Variants in FAIM observed in about 807,000 individuals in gnomAD.
FAIM encodes the protein Fas apoptotic inhibitory molecule.
A neutral mutation model predicts 21.2 loss-of-function variants in FAIM; 14 were observed. The observed-to-expected ratio is 0.66, with a 90% CI of 0.44 to 1.03. The LOEUF is 1.03. Among genes scored for constraint, FAIM ranks in the 50% least tolerant of loss-of-function variants. FAIM has a pLI of 0.00. For missense variants in FAIM, 222 were observed against 247.1 expected (o/e 0.90, Z 0.68); for synonymous variants, 86 against 80.4 (o/e 1.07, Z -0.37).
chr3:138,619,210 C>T (rs2042859016), intron 1 of FAIM, among the ~76,000 whole-genome samples: 1 of 152,196 alleles, frequency 6.6e-6, no homozygotes, highest in African/African-American at 2.4e-5. Flanking sequence ...AGTTATGTTC[C>T]ACCATAGTGT....
At chr3:138,628,047 C>T (rs986384299) in intron 4 of FAIM, among the ~76,000 whole-genome samples, 1 of 152,128 alleles carries the variant, frequency 6.6e-6, no homozygotes, top group African/African-American at 2.4e-5. Context: ...CCTGCTACTC[C>T]TGAGGACACT....
intron 5 of FAIM, chr3:138,629,672 G>A (rs1194123455): frequency 2.0e-5 from 3 of 152,346 alleles, no homozygotes; most frequent in Middle Eastern, 3.4e-3. Context: ...TTTTCTGAAA[G>A]CGAGATTTTT....
intron 5 of FAIM, 62 bp from the exon 6 acceptor site, chr3:138,632,868 A>T: frequency 6.6e-7 from 1 of 1,510,308 alleles, no homozygotes; most frequent in Non-Finnish European, 8.9e-7. Context: ...AGATGGTGTG[A>T]ATGCTCTAGA....
At chr3:138,617,401 A>G (rs2042836033) in intron 1 of FAIM, among the ~76,000 whole-genome samples, 1 of 146,156 alleles carries the variant, frequency 6.8e-6, no homozygotes, top group Non-Finnish European at 1.5e-5. Flanking sequence ...TGTATATATT[A>G]TATATAATAT....
intron 1 of FAIM, among the ~76,000 whole-genome samples, chr3:138,609,614 ACTCTCTCT>A (rs1211208979): frequency 5.5e-4 from 14 of 25,424 alleles, no homozygotes; most frequent in Admixed American, 1.0e-3. Flanking sequence ...CTCTCTCTCG[ACTCTCTCT>A]CTCTCTCTCT....
At chr3:138,619,655 A>G (rs987153727) in intron 1 of FAIM, 56 bp from the exon 2 acceptor site, 31 of 1,524,876 alleles carry the variant, frequency 2.0e-5, no homozygotes, top group African/African-American at 1.4e-4. Flanking sequence ...GTTGCTTTCA[A>G]TCTTTCTTTG....
intron 4 of FAIM, among the ~76,000 whole-genome samples, chr3:138,627,304 C>T (rs906976240): frequency 6.6e-6 from 1 of 151,840 alleles, no homozygotes; most frequent in Non-Finnish European, 1.5e-5. Context: ...GCCTCAGCCT[C>T]CTGAGTAGCT....
Position 138,627,182 on chromosome 3 carries a change from C to CTT in FAIM, c.407-1912_407-1911dup, listed in dbSNP as rs1188996564. Among the ~76,000 whole-genome samples, 465 of 141,750 alleles carry CTT rather than the reference C, an allele frequency of 3.3e-3. 2 individuals carry two copies. The highest frequency in any genetic ancestry group is 0.011 in the African/African-American group (443 of 39,018). 93.0% of individuals were successfully genotyped at this position (141,750 alleles called of 152,430 possible). On this transcript the variant is annotated intron_variant, in intron 4 of 5. Transcript: ENST00000360570. ...CTTCAATTGTGCTGTGGCTTTTTTA[C>CTT]TTTTTTTTTTTTTTCCCAAGACAGG...
chr3:138,622,265 G>T lies in FAIM; in HGVS notation c.255G>T (p.Ala85=). 6.2e-7 allele frequency: 1 copy of T among 1,613,662 alleles called. No homozygotes were observed. Among genetic ancestry groups the T allele is most frequent in the South Asian group, 1.1e-5 (1 of 90,916 alleles). The stretch of plus-strand genomic sequence containing the variant: ...ATGTTGGAGCTGCAAAGACAAAAGC[G>T]ACCATAAATATAGACGCTATCAGTG... ...TFYVGAAKTK[A]TINIDAISGF... The change falls in exon 4 of 6, where the codon GCG becomes GCT. Residue 85 remains alanine, a synonymous_variant. Transcript: ENST00000360570.
intron 1 of FAIM, among the ~76,000 whole-genome samples, chr3:138,609,597 T>TCC (rs1560491087): frequency 4.4e-5 from 3 of 67,722 alleles, no homozygotes; most frequent in East Asian, 6.7e-4. Context: ...CTCTCGACTC[T>TCC]CTCTCTCTCT....
At chr3:138,616,485 A>C (rs1351078543) in intron 1 of FAIM, among the ~76,000 whole-genome samples, 1 of 151,958 alleles carries the variant, frequency 6.6e-6, no homozygotes, top group East Asian at 1.9e-4. Context: ...GAATCGAGCG[A>C]TCCTCCCTCC....
intron 1 of FAIM, among the ~76,000 whole-genome samples, chr3:138,614,516 A>G (rs2042806054): frequency 6.6e-6 from 1 of 152,220 alleles, no homozygotes; most frequent in Non-Finnish European, 1.5e-5. Flanking sequence ...TAGCAGGTTC[A>G]AATGTTGAAT....
intron 1 of FAIM, among the ~76,000 whole-genome samples, chr3:138,614,715 T>A (rs1333370644): frequency 1.3e-5 from 2 of 152,040 alleles, no homozygotes; most frequent in African/African-American, 2.4e-5. Flanking sequence ...CCAAGTCAGG[T>A]GGATTACTTG....
At position 138,619,774 on chromosome 3, in the gene FAIM, A is replaced by G. The variant is rs1430104325; in HGVS notation, c.44+4A>G. The G allele has an allele frequency of 6.2e-7, 1 of 1,612,300 alleles. No homozygotes were observed. The highest frequency in any genetic ancestry group is 8.5e-7 in the Non-Finnish European group (1 of 1,178,856). The stretch of plus-strand genomic sequence containing the variant: ...CTATCTTTGAAGATGATGAAAGGTA[A>G]ATGTCTTATATTGCAGTAAACTAGC... On this transcript the variant is annotated splice_donor_region_variant and intron_variant, in intron 2 of 5. Coordinates refer to ENST00000360570, the MANE Select transcript of FAIM (RefSeq NM_001033031.2).
In FAIM at chr3:138,619,777, G is replaced by A. The variant is rs772731493; in HGVS notation, c.44+7G>A. The A allele has an allele frequency of 1.9e-6, 3 of 1,611,034 alleles. No individual in the cohort carries two copies. The African/African-American group carries it at 4.0e-5, about 22-fold the overall frequency. On this transcript the variant is annotated splice_region_variant and intron_variant, in intron 2 of 5. Transcript: ENST00000360570. ...TCTTTGAAGATGATGAAAGGTAAAT[G>A]TCTTATATTGCAGTAAACTAGCCTT...
chr3:138,627,372 G>A (rs750783512), intron 4 of FAIM, among the ~76,000 whole-genome samples: 79 of 151,990 alleles, frequency 5.2e-4, no homozygotes, highest in Non-Finnish European at 7.8e-4. Context: ...TAGTAGAGAC[G>A]GGGTTTCACC....
intron 1 of FAIM, chr3:138,610,539 A>G (rs1308211129): frequency 6.4e-6 from 1 of 156,680 alleles, no homozygotes; most frequent in Non-Finnish European, 1.4e-5. Context: ...AAGTACATGC[A>G]TAAGAGTTTA....
At chr3:138,630,898 G>T (rs902315774) in intron 5 of FAIM, 1 of 152,236 alleles carries the variant, frequency 6.6e-6, no homozygotes, top group African/African-American at 2.4e-5. Context: ...AGCACTTTGG[G>T]AGGCTGAGGC....
At chr3:138,624,826 A>G (rs1017323745) in intron 4 of FAIM, among the ~76,000 whole-genome samples, 3 of 152,064 alleles carry the variant, frequency 2.0e-5, no homozygotes, top group Admixed American at 6.5e-5. Flanking sequence ...GATTTAGTAC[A>G]TGTAAAGTAC....
Sources: allele counts gnomAD v4.1 joint callset (sites outside exome capture counted in the v4.1 genomes callset), GRCh38; gene constraint gnomAD v4.1.1; transcripts MANE v1.5; gene names NCBI Gene and HGNC (gene_info 2026-07-23, HGNC 2026-07-21).